ENOX1: variants seen among roughly 807,000 people sequenced by gnomAD.
The protein encoded by ENOX1 is candidate growth-related and time keeping constitutive hydroquinone (NADH) oxidase.
A neutral mutation model predicts 82.5 loss-of-function variants in ENOX1; 42 were observed. The observed-to-expected ratio is 0.51, with a 90% confidence interval of 0.40 to 0.66. The LOEUF is 0.66. Ranked by LOEUF, ENOX1 falls within the 30% of genes least tolerant of loss-of-function variation. ENOX1 has a pLI of 0.00. For synonymous variants in ENOX1, 271 were observed against 282.2 expected (o/e 0.96, Z 0.40); for missense variants, 608 against 811.6 (o/e 0.75, Z 3.05).
intron 1 of ENOX1, among the ~76,000 whole-genome samples, chr13:43,684,127 A>G (rs934245385): frequency 1.3e-5 from 2 of 149,042 alleles, no homozygotes; most frequent in African/African-American, 5.0e-5. Context: ...AACCTACTCC[A>G]TAAGGTTGTC....
At chr13:43,301,579 C>CA (rs1566460026) in intron 11 of ENOX1, among the ~76,000 whole-genome samples, 1 of 112,336 alleles carries the variant, frequency 8.9e-6, no homozygotes, top group African/African-American at 3.0e-5. Context: ...GTAATTCCCC[C>CA]ACCAAAAAAA....
intron 1 of ENOX1, among the ~76,000 whole-genome samples, chr13:43,776,679 C>A (rs1951938151): frequency 1.3e-5 from 2 of 152,114 alleles, no homozygotes; most frequent in African/African-American, 4.8e-5. Flanking sequence ...GCACTACCTC[C>A]CCTGGACTAT....
At chr13:43,389,336 T>C (rs1392798316) in intron 5 of ENOX1, among the ~76,000 whole-genome samples, 1 of 152,202 alleles carries the variant, frequency 6.6e-6, no homozygotes, top group African/African-American at 2.4e-5. Context: ...GTCAAAGTAA[T>C]GGAAGCAGAT....
chr13:43,735,054 T>C (rs2089548755), intron 1 of ENOX1, among the ~76,000 whole-genome samples: 1 of 152,216 alleles, frequency 6.6e-6, no homozygotes, highest in South Asian at 2.1e-4. Flanking sequence ...GTGCTTCAGA[T>C]ATCCCAACTA....
chr13:43,232,093 C>T (rs1432011551), intron 15 of ENOX1, among the ~76,000 whole-genome samples: 7 of 109,548 alleles, frequency 6.4e-5, no homozygotes, highest in East Asian at 2.6e-4. Context: ...GCCCAGCTAA[C>T]TTTTTTTTTT....
At chr13:43,614,436 T>A (rs9594981) in intron 2 of ENOX1, among the ~76,000 whole-genome samples, 35,551 of 151,964 alleles carry the variant, frequency 0.23, 4,432 homozygotes, top group Non-Finnish European at 0.29. Flanking sequence ...GCTCTTAGAT[T>A]CCTGCAAGAA....
chr13:43,267,915 A>C (rs1469092986), intron 13 of ENOX1, among the ~76,000 whole-genome samples: 1 of 152,200 alleles, frequency 6.6e-6, no homozygotes, highest in Non-Finnish European at 1.5e-5. Flanking sequence ...TAGGTCTTTA[A>C]TGATTTTAGC....
intron 5 of ENOX1, among the ~76,000 whole-genome samples, chr13:43,409,527 CAGTTCCATGA>C (rs2053993954): frequency 6.6e-6 from 1 of 152,128 alleles, no homozygotes; most frequent in Admixed American, 6.5e-5. Flanking sequence ...AATCTCACAG[CAGTTCCATGA>C]AGTAGATATG....
At chr13:43,417,233 G>GAGGGA (rs2054662100) in intron 3 of ENOX1, among the ~76,000 whole-genome samples, 1 of 98,204 alleles carries the variant, frequency 1.0e-5, no homozygotes, top group African/African-American at 5.8e-5. Context: ...GGAGACGGGA[G>GAGGGA]ACGGGAGACG....
At chr13:43,537,107 T>C (rs1311175909) in intron 2 of ENOX1, among the ~76,000 whole-genome samples, 2 of 152,190 alleles carry the variant, frequency 1.3e-5, no homozygotes, top group Non-Finnish European at 2.9e-5. Flanking sequence ...GCAGAGAAAC[T>C]GCAATAAATG....
At chr13:43,621,142 C>T (rs1002046152) in intron 2 of ENOX1, among the ~76,000 whole-genome samples, 3 of 152,016 alleles carry the variant, frequency 2.0e-5, no homozygotes, top group Admixed American at 6.6e-5. Flanking sequence ...TCCTTATGTG[C>T]GAGGTGAGTC....
chr13:43,716,528 A>G (rs1216268060), intron 1 of ENOX1, among the ~76,000 whole-genome samples: 1 of 152,220 alleles, frequency 6.6e-6, no homozygotes, highest in Non-Finnish European at 1.5e-5. Flanking sequence ...GAAGTCCTGG[A>G]CAGAGCATTC....
intron 7 of ENOX1, among the ~76,000 whole-genome samples, chr13:43,357,417 C>T (rs1436475453): frequency 1.3e-5 from 2 of 152,256 alleles, no homozygotes; most frequent in East Asian, 3.9e-4. Flanking sequence ...TTCTGTGATG[C>T]CTTGGAACCC....
intron 1 of ENOX1, among the ~76,000 whole-genome samples, chr13:43,737,457 C>G (rs2089688369): frequency 6.6e-6 from 1 of 152,208 alleles, no homozygotes; most frequent in South Asian, 2.1e-4. Context: ...GTTCAACTCT[C>G]TTCCAAGCTT....
intron 3 of ENOX1, among the ~76,000 whole-genome samples, chr13:43,413,358 C>A (rs551455338): frequency 1.3e-5 from 2 of 152,140 alleles, no homozygotes; most frequent in South Asian, 4.2e-4. Flanking sequence ...AGAGTCAGGG[C>A]TAAAGAAGAT....
intron 5 of ENOX1, among the ~76,000 whole-genome samples, chr13:43,361,784 TTATACCACC>T: frequency 6.6e-6 from 1 of 152,290 alleles, no homozygotes; most frequent in East Asian, 1.9e-4. Flanking sequence ...GGTGTATTGT[TTATACCACC>T]TTATGACCCA....
intron 2 of ENOX1, among the ~76,000 whole-genome samples, chr13:43,616,204 A>ATATATATATATATATATATATT (rs1457149422): frequency 6.5e-5 from 1 of 15,300 alleles, no homozygotes. Context: ...ATATATATAT[A>ATATATATATATATATATATATT]TTTTTTTTTT....
At chr13:43,227,519 A>C (rs888505935) in intron 15 of ENOX1, among the ~76,000 whole-genome samples, 5 of 152,212 alleles carry the variant, frequency 3.3e-5, no homozygotes, top group Non-Finnish European at 5.9e-5. Flanking sequence ...TCTTTCAAAA[A>C]CCAGGTAACT....
At chr13:43,285,976 C>G (rs138844916) in intron 12 of ENOX1, among the ~76,000 whole-genome samples, 3 of 152,178 alleles carry the variant, frequency 2.0e-5, no homozygotes, top group Admixed American at 2.0e-4. Context: ...CCTGTTGCCT[C>G]TCCTAGCCAG....
Sources: allele counts gnomAD v4.1 joint callset (sites outside exome capture counted in the v4.1 genomes callset), GRCh38; gene constraint gnomAD v4.1.1; transcripts MANE v1.5; gene names NCBI Gene and HGNC (gene_info 2026-07-23, HGNC 2026-07-21).